NEGR1: variants seen among roughly 807,000 people sequenced by gnomAD.
NEGR1 encodes IgLON family member 4.
Under a neutral mutation model 40.9 loss-of-function variants are expected in NEGR1, and 10 were observed. The observed-to-expected ratio is 0.24, with a 90% CI of 0.15 to 0.42. The LOEUF (loss-of-function observed/expected upper bound fraction) is 0.42. Among genes scored for constraint, NEGR1 ranks in the 10% least tolerant of loss-of-function variants. The pLI is 1.00. For missense variants in NEGR1, 352 were observed against 438.9 expected (o/e 0.80, Z 1.77); for synonymous variants, 185 against 166.8 (o/e 1.11, Z -0.84).
chr1:71,513,146 CTTATAA>C (rs1647088833), intron 6 of NEGR1, among the ~76,000 whole-genome samples: 1 of 149,804 alleles, frequency 6.7e-6, no homozygotes, highest in African/African-American at 2.5e-5. Context: ...ATTTTATTAC[CTTATAA>C]TTATACTACA....
At chr1:71,915,137 G>A (rs188602202) in intron 2 of NEGR1, among the ~76,000 whole-genome samples, 1 of 151,832 alleles carries the variant, frequency 6.6e-6, no homozygotes, top group East Asian at 1.9e-4. Flanking sequence ...GGAGATGACT[G>A]GACTAAAATA....
intron 4 of NEGR1, among the ~76,000 whole-genome samples, chr1:71,633,616 G>C (rs1478479013): frequency 1.3e-5 from 2 of 152,200 alleles, no homozygotes; most frequent in Non-Finnish European, 2.9e-5. Context: ...GTTAGAGAGG[G>C]AGAGAGGAGA....
intron 1 of NEGR1, among the ~76,000 whole-genome samples, chr1:72,091,722 C>T (rs1041853555): frequency 1.3e-5 from 2 of 152,114 alleles, no homozygotes; most frequent in African/African-American, 4.8e-5. Context: ...AACCTAAGAT[C>T]TGTTTGCGTT....
chr1:71,560,461 T>TATATATATATA (rs1648417758), intron 6 of NEGR1, among the ~76,000 whole-genome samples: 1 of 86,374 alleles, frequency 1.2e-5, no homozygotes. Flanking sequence ...ATATATATAT[T>TATATATATATA]TCCAATTAAC....
intron 1 of NEGR1, among the ~76,000 whole-genome samples, chr1:72,246,145 G>C (rs1654895089): frequency 1.3e-5 from 2 of 152,010 alleles, no homozygotes; most frequent in Admixed American, 6.6e-5. Context: ...TTGCCTGCTT[G>C]CAATAACCTA....
Position 71,527,372 on chromosome 1 carries a change from T to TCCACCATCCATCCATCCATCCATCCAA in NEGR1, c.940+65418_940+65444dup, listed in dbSNP as rs1647229141. ...CACAAATAAGTGTGTCTTCCATTCA[T>TCCACCATCCATCCATCCATCCATCCAA]CCACCATCCATCCATCCATCCATCC... On this transcript the variant is annotated intron_variant, in intron 6 of 6. Coordinates refer to ENST00000357731, the MANE Select transcript of NEGR1 (RefSeq NM_173808.3). Among the ~76,000 whole-genome samples, 4 of 149,636 alleles carry TCCACCATCCATCCATCCATCCATCCAA rather than the reference T, an allele frequency of 2.7e-5. No individual in the cohort carries two copies. In the East Asian group the frequency reaches 8.1e-4, roughly 30 times the overall value.
chr1:71,550,948 A>T (rs1011752611), intron 6 of NEGR1, among the ~76,000 whole-genome samples: 2 of 151,582 alleles, frequency 1.3e-5, no homozygotes, highest in African/African-American at 2.4e-5. Context: ...AATAACTTAG[A>T]ACATCTACAT....
intron 2 of NEGR1, among the ~76,000 whole-genome samples, chr1:71,915,236 C>G (rs753830630): frequency 3.9e-5 from 6 of 152,090 alleles, no homozygotes; most frequent in Non-Finnish European, 5.9e-5. Context: ...TGATAAGAAG[C>G]CTTTTTGTCA....
chr1:71,901,838 T>G (rs1021147155), intron 2 of NEGR1, among the ~76,000 whole-genome samples: 37 of 151,902 alleles, frequency 2.4e-4, no homozygotes, highest in African/African-American at 8.7e-4. Context: ...ACCCGGCTAA[T>G]TTTTGTATTT....
At chr1:72,224,669 G>A (rs1389515349) in intron 1 of NEGR1, among the ~76,000 whole-genome samples, 1 of 151,834 alleles carries the variant, frequency 6.6e-6, no homozygotes, top group Non-Finnish European at 1.5e-5. Flanking sequence ...ATTTTAAAAA[G>A]TAGCTTTTCT....
At chr1:71,753,771 C>A in intron 3 of NEGR1, among the ~76,000 whole-genome samples, 1 of 152,224 alleles carries the variant, frequency 6.6e-6, no homozygotes, top group South Asian at 2.1e-4. Context: ...ATTAACTCTG[C>A]GAATCCAACA....
At chr1:71,817,291 CAATG>C (rs1658258734) in intron 2 of NEGR1, among the ~76,000 whole-genome samples, 1 of 152,090 alleles carries the variant, frequency 6.6e-6, no homozygotes, top group Non-Finnish European at 1.5e-5. Flanking sequence ...AGCCCACATT[CAATG>C]GTTAAGCAAG....
At chr1:71,769,120 G>C (rs972936447) in intron 3 of NEGR1, among the ~76,000 whole-genome samples, 1 of 151,450 alleles carries the variant, frequency 6.6e-6, no homozygotes, top group Non-Finnish European at 1.5e-5. Flanking sequence ...TATAGCAATG[G>C]GAGAATGGAC....
chr1:71,684,229 C>T (rs1213963754), intron 4 of NEGR1, among the ~76,000 whole-genome samples: 1 of 151,964 alleles, frequency 6.6e-6, no homozygotes, highest in Non-Finnish European at 1.5e-5. Context: ...CCAGATCGCG[C>T]CACTGCACTC....
At chr1:71,715,758 AC>A (rs1200358502) in intron 3 of NEGR1, among the ~76,000 whole-genome samples, 2 of 152,216 alleles carry the variant, frequency 1.3e-5, no homozygotes, top group Admixed American at 6.5e-5. Flanking sequence ...GACCATCTCA[AC>A]CTGGACTTCA....
At chr1:72,168,400 T>G (rs543897285) in intron 1 of NEGR1, among the ~76,000 whole-genome samples, 1 of 152,018 alleles carries the variant, frequency 6.6e-6, no homozygotes, top group Non-Finnish European at 1.5e-5. Context: ...TTCTTCCTAT[T>G]CCTCTTTTGC....
At position 72,168,664 on chromosome 1, in the gene NEGR1, C is replaced by A. The variant is rs141528783; in HGVS notation, c.176+113655G>T. ...CAGCACTTTGGGAAGCCAAGGCAGG[C>A]AGATCGCTTGAGCCCAGGTGTTCGA... On this transcript the variant is annotated intron_variant, in intron 1 of 6. Transcript: ENST00000357731. Among the ~76,000 whole-genome samples the A allele has an allele frequency of 2.0e-3, 306 of 152,176 alleles. 11 individuals carry two copies. The East Asian group carries it at 0.051, about 26-fold the overall frequency.
intron 1 of NEGR1, among the ~76,000 whole-genome samples, chr1:72,032,710 C>T (rs1310227598): frequency 6.6e-6 from 1 of 152,122 alleles, no homozygotes; most frequent in Non-Finnish European, 1.5e-5. Context: ...TCTTGCTTCT[C>T]TAACATACAT....
At chr1:71,760,583 T>G (rs1289510596) in intron 3 of NEGR1, among the ~76,000 whole-genome samples, 1 of 152,218 alleles carries the variant, frequency 6.6e-6, no homozygotes, top group Non-Finnish European at 1.5e-5. Flanking sequence ...TTTTGGAAAT[T>G]CACAAAAGCT....
Sources: allele counts gnomAD v4.1 joint callset (sites outside exome capture counted in the v4.1 genomes callset), GRCh38; gene constraint gnomAD v4.1.1; transcripts MANE v1.5; gene names NCBI Gene and HGNC (gene_info 2026-07-23, HGNC 2026-07-21).